HIPK1: variants seen among roughly 807,000 people sequenced by gnomAD.
The protein encoded by HIPK1 is homeodomain interacting protein kinase 1, also known as homeodomain-interacting protein kinase 1.
HIPK1 carries 28 observed loss-of-function variants against 117.1 expected under a neutral mutation model. That is an observed-to-expected ratio of 0.24 (90% confidence interval 0.18 to 0.33). HIPK1 has a LOEUF of 0.33. HIPK1 is among the 10% of genes least tolerant of loss of function. The pLI is 1.00. For missense variants in HIPK1, 1,122 were observed against 1,475.1 expected (o/e 0.76, Z 3.92); for synonymous variants, 605 against 562.5 (o/e 1.08, Z -1.07).
chr1:113,964,530 C>G (rs1672326765), intron 10 of HIPK1, among the ~76,000 whole-genome samples: 1 of 152,162 alleles, frequency 6.6e-6, no homozygotes. Context: ...ATCCAAAAAC[C>G]TGAAAGGCAC....
At chr1:113,964,350 A>G (rs1429754754) in intron 10 of HIPK1, among the ~76,000 whole-genome samples, 2 of 152,236 alleles carry the variant, frequency 1.3e-5, no homozygotes, top group Admixed American at 1.3e-4. Flanking sequence ...TGTAGCTGCA[A>G]TTGTAGTACT....
At chr1:113,964,692 T>C (rs1672335012) in intron 10 of HIPK1, among the ~76,000 whole-genome samples, 1 of 152,222 alleles carries the variant, frequency 6.6e-6, no homozygotes, top group Non-Finnish European at 1.5e-5. Context: ...CCAGATTAAT[T>C]TTCTTGTAAG....
intron 1 of HIPK1, among the ~76,000 whole-genome samples, chr1:113,936,343 C>CT (rs1055176872): frequency 6.6e-5 from 10 of 152,074 alleles, no homozygotes; most frequent in African/African-American, 2.4e-4. Flanking sequence ...AGAACTTGTA[C>CT]TTTTTTCAGT....
chr1:113,947,796 G>A (rs760259527), intron 2 of HIPK1, among the ~76,000 whole-genome samples: 6 of 152,292 alleles, frequency 3.9e-5, no homozygotes, highest in Middle Eastern at 6.8e-3. Flanking sequence ...TCAAAGAGGA[G>A]ACTTGCCATG....
At position 113,973,349 on chromosome 1, in the gene HIPK1, C is replaced by G. The variant is rs139657411; in HGVS notation, c.3470C>G (p.Pro1157Arg). Residue 1157 changes from proline to arginine, a missense_variant, in exon 16 of 16, where the codon CCT becomes CGT. Coordinates refer to ENST00000426820, the MANE Select transcript of HIPK1 (RefSeq NM_198268.3). ...THPSTLVHQV[P>R]VSVGPSLLTS... ...CCTAGCACTTTGGTGCACCAGGTCC[C>G]TGTCAGTGTTGGGCCCAGCCTCCTC... is the stretch of plus-strand genomic sequence containing the variant. The G allele has an allele frequency of 5.0e-6, 8 of 1,614,072 alleles. No homozygotes were observed. The highest frequency in any genetic ancestry group is 6.8e-6 in the Non-Finnish European group (8 of 1,180,030).
intron 1 of HIPK1, chr1:113,930,365 C>G (rs1669788459): frequency 6.6e-6 from 1 of 152,426 alleles, no homozygotes; most frequent in South Asian, 2.1e-4. Context: ...CTGTTTGGGA[C>G]CAGGAAGCCG....
chr1:113,968,981 C>T (rs1190192631), intron 13 of HIPK1, among the ~76,000 whole-genome samples: 1 of 152,206 alleles, frequency 6.6e-6, no homozygotes, highest in Admixed American at 6.5e-5. Context: ...GATCGTGCCA[C>T]TGTACTCCAG....
intron 14 of HIPK1, among the ~76,000 whole-genome samples, chr1:113,970,774 G>C (rs1485428155): frequency 6.6e-6 from 1 of 152,112 alleles, no homozygotes; most frequent in Non-Finnish European, 1.5e-5. Context: ...GATTTTTGTA[G>C]CATAACATAG....
At chr1:113,954,439 C>A (rs1230050235) in intron 3 of HIPK1, among the ~76,000 whole-genome samples, 1 of 152,092 alleles carries the variant, frequency 6.6e-6, no homozygotes, top group African/African-American at 2.4e-5. Flanking sequence ...AAGATTATAG[C>A]CAAAATTTTC....
At chr1:113,964,788 C>T (rs915761781) in intron 10 of HIPK1, among the ~76,000 whole-genome samples, 1 of 152,176 alleles carries the variant, frequency 6.6e-6, no homozygotes, top group Non-Finnish European at 1.5e-5. Context: ...TCTGTAGTTT[C>T]GAGGTTGGAA....
At chr1:113,955,775 A>G (rs999412065) in intron 5 of HIPK1, 126 bp downstream of exon 5, 13 of 560,978 alleles carry the variant, frequency 2.3e-5, no homozygotes, top group East Asian at 1.7e-4. Context: ...TAAAAAATGC[A>G]TTAATATTCC....
chr1:113,954,845 T>C, intron 4 of HIPK1, 75 bp downstream of exon 4: 1 of 1,317,664 alleles, frequency 7.6e-7, no homozygotes, highest in Admixed American at 2.1e-5. Flanking sequence ...AAAGTTTAGT[T>C]ATTAAATTCT....
rs1289724001 is a variant in HIPK1 at position 113,952,772 on chromosome 1, T to A, written c.1083T>A (p.Pro361=). 8 of 1,467,684 alleles carry A rather than the reference T, an allele frequency of 5.5e-6. No homozygotes were observed. Among genetic ancestry groups the A allele is most frequent in the Non-Finnish European group, 7.2e-6 (8 of 1,107,062 alleles). The allele number at this position is 1,467,684 out of a possible 1,614,324, so 90.9% of individuals were successfully genotyped here. The change falls in exon 3 of 16, where the codon CCT becomes CCA. Residue 361 remains proline (P), a synonymous_variant. Transcript: ENST00000426820. ...TYLQSRYYRA[P]EIILGLPFCE... ...TATTTTTTGTTTTTGCTAGAGCTCCTGAAATTATTCTTGGGTTACCATTTT... is the reference window on the plus strand; with the variant it reads ...TATTTTTTGTTTTTGCTAGAGCTCCAGAAATTATTCTTGGGTTACCATTTT...
intron 1 of HIPK1, among the ~76,000 whole-genome samples, chr1:113,940,039 A>G (rs189257424): frequency 3.3e-5 from 5 of 150,368 alleles, no homozygotes; most frequent in East Asian, 2.0e-4. Context: ...TCCTCAGCTC[A>G]GGAGATCTTC....
Position 113,941,058 on chromosome 1 carries a change from C to T in HIPK1, c.675C>T (p.Pro225=), listed in dbSNP as rs1001485108. Residue 225 remains proline, a synonymous_variant, in exon 2 of 16, where the codon CCC becomes CCT. Coordinates refer to ENST00000426820, the MANE Select transcript of HIPK1 (RefSeq NM_198268.3). This position sits in a 1 kb window ranked among gnomAD's most constrained non-coding sequence, Gnocchi z 4.9. The part of the protein sequence containing the change: ...IVAIKILKNH[P]SYARQGQIEV... ...CTATTAAAATCTTGAAGAACCACCCCTCCTATGCCAGACAAGGACAGATTG... is the reference window on the plus strand; with the variant it reads ...CTATTAAAATCTTGAAGAACCACCCTTCCTATGCCAGACAAGGACAGATTG... The T allele has an allele frequency of 6.2e-7, 1 of 1,614,094 alleles. No individual in the cohort carries two copies. The highest frequency in any genetic ancestry group is 1.3e-5 in the African/African-American group (1 of 74,924).
chr1:113,930,633 C>T (rs889552353), intron 1 of HIPK1: 2 of 152,266 alleles, frequency 1.3e-5, no homozygotes, highest in African/African-American at 4.8e-5. Context: ...TGGTAAGGCC[C>T]ACACTGTTCA....
chr1:113,958,317 A>G, intron 8 of HIPK1, 26 bp downstream of exon 8: 1 of 1,512,032 alleles, frequency 6.6e-7, no homozygotes, highest in Non-Finnish European at 9.1e-7. Context: ...CCTGTATCAT[A>G]TGGTATTGTA....
intron 1 of HIPK1, chr1:113,933,381 G>A (rs908641126): frequency 1.2e-5 from 2 of 163,336 alleles, no homozygotes; most frequent in African/African-American, 4.8e-5. Flanking sequence ...AGTGCCTGGG[G>A]AAAAGCGCAG....
chr1:113,955,757 A>AG, intron 5 of HIPK1, 108 bp downstream of exon 5: 1 of 606,210 alleles, frequency 1.6e-6, no homozygotes, highest in Non-Finnish European at 2.9e-6. Flanking sequence ...ATTTGTTTTC[A>AG]GTTTTTATAA....
Sources: allele counts gnomAD v4.1 joint callset (sites outside exome capture counted in the v4.1 genomes callset), GRCh38; gene constraint gnomAD v4.1.1; non-coding constraint Gnocchi (gnomAD v3.1); transcripts MANE v1.5; gene names NCBI Gene and HGNC (gene_info 2026-07-23, HGNC 2026-07-21).